HS2ST1: variants seen among roughly 807,000 people sequenced by gnomAD.
HS2ST1 encodes the protein 2-O-sulfotransferase.
HS2ST1 carries 18 observed loss-of-function variants against 42.9 expected under a neutral mutation model. The observed-to-expected ratio is 0.42, with a 90% CI of 0.29 to 0.62. HS2ST1 has a LOEUF of 0.62. Ranked by LOEUF, HS2ST1 falls within the 20% of genes least tolerant of loss-of-function variation. The pLI, the probability that HS2ST1 is intolerant of heterozygous loss-of-function variation, is 0.21. For missense variants in HS2ST1, 334 were observed against 433.8 expected (o/e 0.77, Z 2.04); for synonymous variants, 146 against 152.9 (o/e 0.95, Z 0.33).
chr1:87,104,089 A>G (rs1436544809), intron 6 of HS2ST1, among the ~76,000 whole-genome samples: 1 of 152,188 alleles, frequency 6.6e-6, no homozygotes, highest in Non-Finnish European at 1.5e-5. Context: ...CTAACACATA[A>G]TTTTAGAGAA....
At chr1:86,956,683 CTTAG>C (rs1208167595) in intron 1 of HS2ST1, 1 of 152,060 alleles carries the variant, frequency 6.6e-6, no homozygotes, top group Non-Finnish European at 1.5e-5. Context: ...AAACCTGTAG[CTTAG>C]TTAGGGGAGG....
In HS2ST1 at chr1:87,060,014, AT is replaced by A. The variant is rs563688657; in HGVS notation, c.125-12912del. Among the ~76,000 whole-genome samples, 184 of 152,038 alleles carry A rather than the reference AT, an allele frequency of 1.2e-3. 1 individual carries two copies. Among genetic ancestry groups the A allele is most frequent in the African/African-American group, 4.1e-3 (172 of 41,486 alleles). On this transcript the variant is annotated intron_variant, in intron 1 of 6. Transcript: ENST00000370550. The stretch of plus-strand genomic sequence containing the variant: ...ATAAGTAAAACCTTTGTATGTTGTG[AT>A]TTTTTTTCCCTATTCAAGAATGATA...
At chr1:87,028,861 A>G (rs2100593816) in intron 1 of HS2ST1, among the ~76,000 whole-genome samples, 1 of 152,284 alleles carries the variant, frequency 6.6e-6, no homozygotes. Context: ...AGTTTCTTCT[A>G]AAAAGTATAG....
chr1:86,927,695 G>C (rs1660451108), intron 1 of HS2ST1, among the ~76,000 whole-genome samples: 1 of 152,084 alleles, frequency 6.6e-6, no homozygotes. Flanking sequence ...ATTTTTGCTT[G>C]GTATGGTTAA....
rs145286319 is a variant in HS2ST1 at position 86,960,227 on chromosome 1, CA to C, written c.124+45084del. 6.8e-3 allele frequency among the ~76,000 whole-genome samples: 896 copies of C among 131,430 alleles called. 6 individuals are homozygous for C. The highest frequency in any genetic ancestry group is 0.024 in the Middle Eastern group (6 of 248). 86.2% of individuals were successfully genotyped at this position (131,430 alleles called of 152,430 possible). ...GATATCTCATTCCCCTCCACGCCACCAAAAAAAAAAAAAAAAAGAATCTTGA... is the reference window on the plus strand; with the variant it reads ...GATATCTCATTCCCCTCCACGCCACCAAAAAAAAAAAAAAAAGAATCTTGA... On this transcript the variant is annotated intron_variant, in intron 1 of 6. Coordinates refer to ENST00000370550, the MANE Select transcript of HS2ST1 (RefSeq NM_012262.4).
intron 1 of HS2ST1, among the ~76,000 whole-genome samples, chr1:87,049,480 G>T (rs969959437): frequency 1.3e-5 from 2 of 151,740 alleles, no homozygotes; most frequent in South Asian, 4.2e-4. Flanking sequence ...TGTTTTATTA[G>T]GTTCAAAATG....
intron 1 of HS2ST1, among the ~76,000 whole-genome samples, chr1:87,023,735 CT>C (rs1490634697): frequency 6.6e-6 from 1 of 151,344 alleles, no homozygotes; most frequent in Non-Finnish European, 1.5e-5. Context: ...ACATTCATGT[CT>C]CAGAAAATAT....
intron 1 of HS2ST1, among the ~76,000 whole-genome samples, chr1:86,916,421 A>G (rs1660159769): frequency 6.6e-6 from 1 of 152,292 alleles, no homozygotes; most frequent in African/African-American, 2.4e-5. Flanking sequence ...ACCAGAAAAT[A>G]ATTGTAATAT....
intron 1 of HS2ST1, among the ~76,000 whole-genome samples, chr1:86,960,924 C>G (rs1349951859): frequency 6.6e-6 from 1 of 152,070 alleles, no homozygotes; most frequent in Non-Finnish European, 1.5e-5. Context: ...TGGTGTTTAT[C>G]CAAATGAACT....
At chr1:87,002,975 T>C (rs1649336056) in intron 1 of HS2ST1, among the ~76,000 whole-genome samples, 1 of 152,242 alleles carries the variant, frequency 6.6e-6, no homozygotes, top group South Asian at 2.1e-4. Flanking sequence ...GAACTACTCT[T>C]CTCTCGAAGC....
intron 1 of HS2ST1, among the ~76,000 whole-genome samples, chr1:86,944,537 T>G (rs1647270632): frequency 6.6e-6 from 1 of 151,980 alleles, no homozygotes; most frequent in African/African-American, 2.4e-5. Context: ...GTATTTTTAG[T>G]AGAGATGGGG....
intron 1 of HS2ST1, among the ~76,000 whole-genome samples, chr1:86,996,861 T>C (rs1170541636): frequency 6.6e-6 from 1 of 152,210 alleles, no homozygotes; most frequent in African/African-American, 2.4e-5. Flanking sequence ...ACAAAACTTT[T>C]GGAAATGAAA....
chr1:86,941,189 G>C (rs1660755649), intron 1 of HS2ST1, among the ~76,000 whole-genome samples: 1 of 152,122 alleles, frequency 6.6e-6, no homozygotes, highest in African/African-American at 2.4e-5. Flanking sequence ...GTCCTTGCCT[G>C]TTTTCTGGAG....
intron 1 of HS2ST1, among the ~76,000 whole-genome samples, chr1:86,941,359 G>A (rs974459907): frequency 2.7e-5 from 4 of 147,602 alleles, no homozygotes; most frequent in Non-Finnish European, 4.4e-5. Context: ...TTGGGGAGGG[G>A]CTGCCAGGTT....
rs1240215429 is a variant in HS2ST1, at chr1:87,106,551, AAAACATTTATAAACAAAAG to A, written c.*1870_*1888del. 6.6e-6 allele frequency: 1 copy of A among 152,072 alleles called. No individual in the cohort carries two copies. The highest frequency in any genetic ancestry group is 6.6e-5 in the Admixed American group (1 of 15,248). 9.4% of individuals were successfully genotyped at this position (152,072 alleles called of 1,614,324 possible). On this transcript the variant is annotated 3_prime_UTR_variant, in exon 7 of 7. Transcript: ENST00000370550. ...GGCATGAGGGAACACTTCTTATGAG[AAAACATTTATAAACAAAAG>A]AAACATTTATAAACTAAAGAAAAAC...
intron 1 of HS2ST1, among the ~76,000 whole-genome samples, chr1:87,016,531 A>G (rs1231309411): frequency 6.6e-6 from 1 of 152,158 alleles, no homozygotes; most frequent in African/African-American, 2.4e-5. Context: ...ATAAAATTAC[A>G]CAGAAATAAC....
At chr1:86,936,883 G>A (rs1178537576) in intron 1 of HS2ST1, among the ~76,000 whole-genome samples, 3 of 149,962 alleles carry the variant, frequency 2.0e-5, no homozygotes, top group African/African-American at 7.4e-5. Flanking sequence ...ATCACGTGAG[G>A]TCAGGAGCTT....
At chr1:87,018,477 G>A (rs1649826928) in intron 1 of HS2ST1, among the ~76,000 whole-genome samples, 1 of 152,120 alleles carries the variant, frequency 6.6e-6, no homozygotes, top group Admixed American at 6.6e-5. Flanking sequence ...TGCTTTTGCT[G>A]CTTGTAGCAA....
intron 1 of HS2ST1, among the ~76,000 whole-genome samples, chr1:86,957,609 A>G (rs1307395568): frequency 1.3e-5 from 2 of 152,180 alleles, no homozygotes; most frequent in Non-Finnish European, 2.9e-5. Context: ...TTGGATTGAA[A>G]GACCAGATCT....
Sources: gnomAD v4.1 joint callset for allele counts (sites outside exome capture counted in the v4.1 genomes callset) on GRCh38, gnomAD v4.1.1 for gene constraint, MANE v1.5 for transcripts, NCBI Gene and HGNC (gene_info 2026-07-23, HGNC 2026-07-21) for gene names.